DAB1: variants seen among roughly 807,000 people sequenced by gnomAD.
DAB1 encodes disabled homolog 1.
A neutral mutation model predicts 64.6 loss-of-function variants in DAB1; 15 were observed. That is an observed-to-expected ratio of 0.23 (90% CI 0.16 to 0.36). The LOEUF is 0.36. DAB1 is among the 10% of genes least tolerant of loss of function. The pLI, the probability that DAB1 is intolerant of heterozygous loss-of-function variation, is 1.00. For synonymous variants in DAB1, 235 were observed against 251.9 expected, an observed-to-expected ratio of 0.93 and a Z score of 0.64; for missense variants, 596 against 706.7, an observed-to-expected ratio of 0.84 and a Z score of 1.78.
At chr1:58,390,764 G>A (rs1029331426) in intron 3 of DAB1, among the ~76,000 whole-genome samples, 1 of 152,174 alleles carries the variant, frequency 6.6e-6, no homozygotes, top group South Asian at 2.1e-4. Context: ...GATGAGGCAG[G>A]CTTTCTATTG....
intron 2 of DAB1, among the ~76,000 whole-genome samples, chr1:57,290,177 G>A (rs1672655931): frequency 6.6e-6 from 1 of 152,062 alleles, no homozygotes; most frequent in East Asian, 1.9e-4. Context: ...ATCAATTTTG[G>A]GAGTAAGAAA....
At chr1:57,492,243 A>G (rs1376692388) in intron 7 of DAB1, among the ~76,000 whole-genome samples, 3 of 152,236 alleles carry the variant, frequency 2.0e-5, no homozygotes, top group Non-Finnish European at 4.4e-5. Context: ...TGAACAGTGT[A>G]CTGAATATGG....
chr1:58,321,906 C>T (rs2100485647), intron 4 of DAB1, among the ~76,000 whole-genome samples: 1 of 152,340 alleles, frequency 6.6e-6, no homozygotes, highest in South Asian at 2.1e-4. Context: ...CTGAAGAGAG[C>T]AGTGGTTCTC....
intron 2 of DAB1, among the ~76,000 whole-genome samples, chr1:57,189,004 G>A (rs752331036): frequency 2.6e-5 from 4 of 152,152 alleles, no homozygotes; most frequent in Non-Finnish European, 5.9e-5. Flanking sequence ...CTCATAGCTT[G>A]GAGGAGGGGT....
chr1:57,994,761 C>T (rs1307129088), intron 5 of DAB1, among the ~76,000 whole-genome samples: 1 of 152,174 alleles, frequency 6.6e-6, no homozygotes, highest in Non-Finnish European at 1.5e-5. Context: ...GATGAGCATA[C>T]ACCTGGAGAT....
chr1:58,264,120 T>A (rs565582431), intron 4 of DAB1, among the ~76,000 whole-genome samples: 1 of 152,238 alleles, frequency 6.6e-6, no homozygotes, highest in Non-Finnish European at 1.5e-5. Flanking sequence ...ACAAGTTTCC[T>A]ATACTTACCA....
At chr1:58,140,135 T>C (rs1426033445) in intron 5 of DAB1, among the ~76,000 whole-genome samples, 1 of 152,220 alleles carries the variant, frequency 6.6e-6, no homozygotes, top group Non-Finnish European at 1.5e-5. Context: ...TGCCAATGGT[T>C]AGCTCCATCC....
Position 57,177,024 on chromosome 1 carries a change from G to A in DAB1, c.68-31595C>T, listed in dbSNP as rs12062463. On this transcript the variant is annotated intron_variant, in intron 2 of 14. Transcript: ENST00000371236. ...AGACTACCCACATTTGCCTAAAAGC[G>A]GGACATAAATTTGTAAATGTGTCCT... Among the ~76,000 whole-genome samples, 767 of 146,654 alleles carry A rather than the reference G, an allele frequency of 5.2e-3. 7 individuals carry two copies. The highest frequency in any genetic ancestry group is 0.018 in the African/African-American group (686 of 38,800).
At chr1:57,054,434 G>A (rs921389040) in intron 9 of DAB1, among the ~76,000 whole-genome samples, 4 of 148,184 alleles carry the variant, frequency 2.7e-5, no homozygotes, top group Non-Finnish European at 5.9e-5. Flanking sequence ...GTAATGGGAC[G>A]CTTAGCAGAC....
At chr1:57,720,703 T>G (rs980534028) in intron 6 of DAB1, among the ~76,000 whole-genome samples, 1 of 152,242 alleles carries the variant, frequency 6.6e-6, no homozygotes, top group Non-Finnish European at 1.5e-5. Context: ...GGTACATAAA[T>G]AGGAGGTTTA....
chr1:57,349,356 G>GGT (rs201176401), intron 1 of DAB1, among the ~76,000 whole-genome samples: 6 of 151,570 alleles, frequency 4.0e-5, no homozygotes, highest in Non-Finnish European at 5.9e-5. Context: ...AGATTTTTTT[G>GGT]GTGTGTGTGT....
intron 1 of DAB1, among the ~76,000 whole-genome samples, chr1:57,872,436 C>G (rs957015964): frequency 2.0e-5 from 3 of 152,134 alleles, no homozygotes; most frequent in African/African-American, 4.8e-5. Context: ...TCTGCTGAAG[C>G]CTTGATCTTG....
chr1:57,016,522 T>A (rs1344144388), intron 11 of DAB1, among the ~76,000 whole-genome samples: 3 of 151,930 alleles, frequency 2.0e-5, no homozygotes, highest in African/African-American at 7.3e-5. Flanking sequence ...GCCCAAGAGT[T>A]TGAAGCAGCA....
intron 7 of DAB1, among the ~76,000 whole-genome samples, chr1:57,429,085 C>T (rs1254957403): frequency 6.6e-6 from 1 of 151,906 alleles, no homozygotes; most frequent in Non-Finnish European, 1.5e-5. Context: ...GGCTAATTTT[C>T]AAGAATTTTT....
intron 1 of DAB1, among the ~76,000 whole-genome samples, chr1:57,837,532 C>T (rs1357851698): frequency 6.6e-6 from 1 of 152,030 alleles, no homozygotes; most frequent in Non-Finnish European, 1.5e-5. Flanking sequence ...AATATCTCCC[C>T]CACTCCAAAT....
intron 1 of DAB1, among the ~76,000 whole-genome samples, chr1:58,527,652 A>G (rs1418087841): frequency 2.0e-5 from 3 of 152,206 alleles, no homozygotes; most frequent in Non-Finnish European, 4.4e-5. Flanking sequence ...AAGAAAGCTT[A>G]TTGATGAAGG....
chr1:57,273,069 AT>A (rs1171480737), intron 2 of DAB1, among the ~76,000 whole-genome samples: 2 of 152,102 alleles, frequency 1.3e-5, no homozygotes, highest in Non-Finnish European at 2.9e-5. Flanking sequence ...CTCAACTTCT[AT>A]TTGCACCACC....
intron 1 of DAB1, among the ~76,000 whole-genome samples, chr1:57,410,361 A>C (rs1684009400): frequency 6.6e-6 from 1 of 152,240 alleles, no homozygotes; most frequent in African/African-American, 2.4e-5. Flanking sequence ...AAGGGCATGA[A>C]AGATAGTAGC....
At chr1:57,070,881 C>T (rs1651390527) in intron 7 of DAB1, 142 bp downstream of exon 7, 2 of 749,442 alleles carry the variant, frequency 2.7e-6, no homozygotes, top group East Asian at 5.1e-5. Context: ...CCTGGAGGGG[C>T]TGGCAGCCCT....
Sources: allele counts gnomAD v4.1 joint callset (sites outside exome capture counted in the v4.1 genomes callset), GRCh38; gene constraint gnomAD v4.1.1; transcripts MANE v1.5; gene names NCBI Gene and HGNC (gene_info 2026-07-23, HGNC 2026-07-21).